Variants in SAR1A observed in about 807,000 individuals in gnomAD.
SAR1A encodes small COPII coat GTPase SAR1A.
A neutral mutation model predicts 22.6 loss-of-function variants in SAR1A; 6 were observed. The ratio of observed to expected loss-of-function variants is 0.27; its 90% CI spans 0.15 to 0.52. The LOEUF (loss-of-function observed/expected upper bound fraction) is 0.52. SAR1A is among the 20% of genes least tolerant of loss of function. The pLI is 0.96. For synonymous variants in SAR1A, 70 were observed against 82.2 expected, an observed-to-expected ratio of 0.85 and a Z score of 0.80; for missense variants, 145 against 245.1, an observed-to-expected ratio of 0.59 and a Z score of 2.73.
chr10:70,162,443 G>T (rs1164209903), intron 1 of SAR1A, among the ~76,000 whole-genome samples: 1 of 122,944 alleles, frequency 8.1e-6, no homozygotes, highest in African/African-American at 3.0e-5. Flanking sequence ...GAAAGGAAAA[G>T]AAAAGAAAAG....
chr10:70,162,166 T>G (rs1403958329), intron 1 of SAR1A, among the ~76,000 whole-genome samples: 1 of 151,732 alleles, frequency 6.6e-6, no homozygotes, highest in Non-Finnish European at 1.5e-5. Flanking sequence ...AAAGCTGGAC[T>G]CAATCTCTAC....
intron 5 of SAR1A, among the ~76,000 whole-genome samples, chr10:70,157,080 C>T (rs1444477247): frequency 6.6e-6 from 1 of 152,140 alleles, no homozygotes; most frequent in Non-Finnish European, 1.5e-5. Flanking sequence ...CGCTTTTAGG[C>T]TTTCACTATG....
At chr10:70,154,511 C>T (rs7902147) in intron 5 of SAR1A, among the ~76,000 whole-genome samples, 19,304 of 117,308 alleles carry the variant, frequency 0.16, 1,789 homozygotes, top group East Asian at 0.32. Context: ...TGTTTTTTTT[C>T]TTTTTTCTTA....
rs553706852 is a variant in SAR1A, at chr10:70,161,550, G to C, written c.178+69C>G. ...GTTAATAAAAGAACTCCACCAACTA[G>C]GGATTCATCCTCCACGCCTAACACT... On this transcript the variant is annotated intron_variant, in intron 3 of 6. Transcript: ENST00000373241. The C allele has an allele frequency of 4.5e-5, 70 of 1,563,718 alleles. 2 individuals are homozygous for C. The South Asian group carries it at 8.0e-4, about 18-fold the overall frequency.
At chr10:70,165,126 G>A (rs1445580020) in intron 1 of SAR1A, among the ~76,000 whole-genome samples, 6 of 151,304 alleles carry the variant, frequency 4.0e-5, no homozygotes, top group Non-Finnish European at 5.9e-5. Flanking sequence ...TTAGCCGGGC[G>A]TAGTGGCGGG....
At chr10:70,161,411 C>T (rs1286526319) in intron 3 of SAR1A, 4 of 608,324 alleles carry the variant, frequency 6.6e-6, no homozygotes, top group South Asian at 4.2e-5. Flanking sequence ...TGTCCCTTTA[C>T]AGGACCAGTG....
At chr10:70,169,723 T>A (rs1839600562) in intron 1 of SAR1A, among the ~76,000 whole-genome samples, 1 of 152,126 alleles carries the variant, frequency 6.6e-6, no homozygotes, top group Admixed American at 6.5e-5. Context: ...CCATGGCGAA[T>A]CTCCCTAAGC....
At chr10:70,162,391 G>GGGAAAA (rs1441588444) in intron 1 of SAR1A, among the ~76,000 whole-genome samples, 2 of 136,036 alleles carry the variant, frequency 1.5e-5, no homozygotes, top group Non-Finnish European at 1.6e-5. Context: ...GAAAGGGAAA[G>GGGAAAA]GGAAAAGGAA....
intron 5 of SAR1A, among the ~76,000 whole-genome samples, chr10:70,155,569 C>G (rs1190242285): frequency 6.6e-6 from 1 of 152,138 alleles, no homozygotes; most frequent in Non-Finnish European, 1.5e-5. Flanking sequence ...AAATAAGACA[C>G]AGTCCCTATC....
At chr10:70,154,017 G>A in intron 5 of SAR1A, 48 bp from the exon 6 acceptor site, 2 of 1,436,516 alleles carry the variant, frequency 1.4e-6, no homozygotes, top group South Asian at 1.3e-5. Flanking sequence ...ATTAAGTGAG[G>A]AATCTACAAA....
intron 5 of SAR1A, chr10:70,155,100 T>C (rs370902928): frequency 3.8e-6 from 2 of 528,096 alleles, no homozygotes; most frequent in Non-Finnish European, 7.8e-6. Flanking sequence ...TAGGGGCCAG[T>C]GTGAGAAGTG....
rs1564567602 is a variant in SAR1A, at chr10:70,149,546, G to GGTTTTTTTTTTTT, written c.*2929_*2930insAAAAAAAAAAAAC. 8.4e-5 allele frequency: 2 copies of GGTTTTTTTTTTTT among 23,938 alleles called. No homozygotes were observed. Among genetic ancestry groups the GGTTTTTTTTTTTT allele is most frequent in the East Asian group, 2.3e-3 (2 of 874 alleles). The allele number at this position is 23,938 out of a possible 1,614,324, so 1.5% of individuals were successfully genotyped here. A position where few individuals can be genotyped will look rare whatever the true frequency, so the allele number is the denominator to read the frequency against. ...ATTTTGCCAAATGTAGCATTTAATTGATTTTTTTTTTTTTTTTTTTTTTGA... is the reference window on the plus strand; with the variant it reads ...ATTTTGCCAAATGTAGCATTTAATTGGTTTTTTTTTTTTATTTTTTTTTTTTTTTTTTTTTTGA... On this transcript the variant is annotated 3_prime_UTR_variant, in exon 7 of 7. Transcript: ENST00000373241.
Position 70,164,139 on chromosome 10 carries a change from A to C in SAR1A, c.-16-2208T>G. 3 of 704,348 alleles carry C rather than the reference A, an allele frequency of 4.3e-6. No individual in the cohort carries two copies. In the South Asian group the frequency reaches 4.6e-5, roughly 11 times the overall value. 43.6% of individuals were successfully genotyped at this position (704,348 alleles called of 1,614,324 possible). On this transcript the variant is annotated intron_variant, in intron 1 of 6. Transcript: ENST00000373241. ...GATGACAGCATAATGAAGACCTTGTACAGAATGTGTTAAATTTCTTGCACA... is the reference window on the plus strand; with the variant it reads ...GATGACAGCATAATGAAGACCTTGTCCAGAATGTGTTAAATTTCTTGCACA...
rs76665511 is a variant in SAR1A at position 70,167,224 on chromosome 10, C to T, written c.-17+3189G>A. On this transcript the variant is annotated intron_variant, in intron 1 of 6. Transcript: ENST00000373241. Reference sequence around the variant, plus strand: ...CACACTGGTGGGTCTTAAGGTTTCTCAGCATTGTCTGGCCATGCTGAATTT... The same window carrying T: ...CACACTGGTGGGTCTTAAGGTTTCTTAGCATTGTCTGGCCATGCTGAATTT... Among the ~76,000 whole-genome samples the T allele has an allele frequency of 6.8e-3, 1,029 of 152,148 alleles. 13 individuals carry two copies. Among genetic ancestry groups the T allele is most frequent in the African/African-American group, 0.024 (997 of 41,508 alleles).
chr10:70,161,835 G>A (rs2271690), intron 2 of SAR1A, 23 bp downstream of exon 2: 517,021 of 1,611,708 alleles, frequency 0.32, 87,549 homozygotes, highest in Admixed American at 0.44. Flanking sequence ...TTTGAAACCT[G>A]TATTTCAAGG....
chr10:70,165,812 G>A (rs1839541584), intron 1 of SAR1A, among the ~76,000 whole-genome samples: 1 of 152,204 alleles, frequency 6.6e-6, no homozygotes, highest in Non-Finnish European at 1.5e-5. Context: ...TCTGCTTTGG[G>A]TAAAATGCTA....
chr10:70,164,067 G>A (rs761033111), intron 1 of SAR1A: 81 of 777,412 alleles, frequency 1.0e-4, no homozygotes, highest in Admixed American at 2.1e-4. Context: ...GATCAGGGAA[G>A]CAGATCCTGA....
Position 70,157,696 on chromosome 10 carries a change from T to TA in SAR1A, c.348+67dup, listed in dbSNP as rs752286450. ...ATTGGCACTACTGAGCTATATTCCT[T>TA]AAAAAAAAATAGAGGCCAAAAAAGA... On this transcript the variant is annotated intron_variant, in intron 5 of 6. Transcript: ENST00000373241. 5.1e-3 allele frequency: 5,600 copies of TA among 1,103,654 alleles called. 3 individuals are homozygous for TA. The highest frequency in any genetic ancestry group is 5.9e-3 in the Non-Finnish European group (4,466 of 760,798). 68.4% of individuals were successfully genotyped at this position (1,103,654 alleles called of 1,614,324 possible). A position where few individuals can be genotyped will look rare whatever the true frequency, so the allele number is the denominator to read the frequency against.
intron 5 of SAR1A, among the ~76,000 whole-genome samples, 179 bp from the exon 6 acceptor site, chr10:70,154,148 C>T (rs1839358528): frequency 6.6e-6 from 1 of 152,146 alleles, no homozygotes; most frequent in African/African-American, 2.4e-5. Context: ...TACATAACAC[C>T]CATGACATTA....
Sources: allele counts gnomAD v4.1 joint callset (sites outside exome capture counted in the v4.1 genomes callset), GRCh38; gene constraint gnomAD v4.1.1; transcripts MANE v1.5; gene names NCBI Gene and HGNC (gene_info 2026-07-23, HGNC 2026-07-21).